SAFB2: variants seen among roughly 807,000 people sequenced by gnomAD.
SAFB2 encodes the protein scaffold attachment factor B2.
SAFB2 carries 32 observed loss-of-function variants against 100.6 expected under a neutral mutation model. The observed-to-expected ratio is 0.32, with a 90% CI of 0.24 to 0.43. SAFB2 has a LOEUF of 0.43. Among genes scored for constraint, SAFB2 ranks in the 20% least tolerant of loss-of-function variants. The probability of loss-of-function intolerance (pLI) is 1.00; values close to 1 mark genes in which losing one functional copy is unlikely to be tolerated. For synonymous variants in SAFB2, 500 were observed against 439.4 expected (o/e 1.14, Z -1.72); for missense variants, 1,185 against 1,163.4 (o/e 1.02, Z -0.27).
intron 4 of SAFB2, among the ~76,000 whole-genome samples, chr19:5,615,216 G>A (rs746497933): frequency 1.3e-5 from 2 of 152,172 alleles, no homozygotes; most frequent in Non-Finnish European, 2.9e-5. Flanking sequence ...TCAGCTGGGC[G>A]TGGTGGCGCA....
chr19:5,592,191 G>C (rs763656409), intron 16 of SAFB2, among the ~76,000 whole-genome samples: 1 of 152,072 alleles, frequency 6.6e-6, no homozygotes, highest in Non-Finnish European at 1.5e-5. Flanking sequence ...TGTTCTCCCC[G>C]CTCTGACATT....
At chr19:5,616,609 T>TCCTGTCAC in intron 2 of SAFB2, 123 bp from the exon 3 acceptor site, 1 of 655,374 alleles carries the variant, frequency 1.5e-6, no homozygotes, top group Non-Finnish European at 2.7e-6. Flanking sequence ...GTCTCCCCTC[T>TCCTGTCAC]CCTGTCACAC....
rs765105269 is a variant in SAFB2 at position 5,594,128 on chromosome 19, C to T, written c.1970G>A (p.Arg657Gln). 3.7e-6 allele frequency: 6 copies of T among 1,602,494 alleles called. No homozygotes were observed. The highest frequency in any genetic ancestry group is 5.1e-6 in the Non-Finnish European group (6 of 1,178,876). ...REQRLEAFHE[R>Q]KEKARLQRER... ...CCGCTGTAGCCGGGCCTTCTCCTTC[C>T]GCTCATGGAAGGCCTCGAGGCGTTG... The change falls in exon 15 of 21, where the codon CGG (arginine) becomes CAG (glutamine). Residue 657 changes from arginine (R) to glutamine (Q), a missense_variant. Coordinates refer to ENST00000252542, the MANE Select transcript of SAFB2 (RefSeq NM_014649.3).
Position 5,587,807 on chromosome 19 carries a change from G to A in SAFB2, c.2639-40C>T, listed in dbSNP as rs371346941. ...GGGTCTGCAAACACTCCGTTCCTGG[G>A]GAAGCCCCTGGACACATGTGGGGGC... On this transcript the variant is annotated intron_variant, in intron 19 of 20. Coordinates refer to ENST00000252542, the MANE Select transcript of SAFB2 (RefSeq NM_014649.3). This position sits in a 1 kb window ranked among gnomAD's most constrained non-coding sequence, Gnocchi z 4.9. 1.9e-6 allele frequency: 3 copies of A among 1,562,274 alleles called. No homozygotes were observed. The African/African-American group carries it at 4.1e-5, about 21-fold the overall frequency.
Position 5,598,844 on chromosome 19 carries a change from C to T in SAFB2, c.1731G>A (p.Ser577=), listed in dbSNP as rs552698976. ...GMERTVVMDK[S]KGEPVISVKT... is the part of the protein sequence containing the mutation. ...TCACGCTAATGACGGGCTCTCCTTT[C>T]GATTTATCCATCACGACCGTCCGCT... is the stretch of plus-strand genomic sequence containing the variant. Residue 577 remains serine (S), a synonymous_variant, in exon 13 of 21, where the codon TCG becomes TCA. Transcript: ENST00000252542. 2.6e-5 allele frequency: 42 copies of T among 1,614,154 alleles called. No homozygotes were observed. Among genetic ancestry groups the T allele is most frequent in the East Asian group, 2.0e-4 (9 of 44,878 alleles).
rs142109951 is a variant in SAFB2, at chr19:5,592,809, G to A, written c.2286C>T (p.Asp762=). 737 of 1,614,190 alleles carry A rather than the reference G, an allele frequency of 4.6e-4. 1 individual carries two copies. The African/African-American group carries it at 9.2e-3, about 20-fold the overall frequency. Residue 762 remains aspartate, a synonymous_variant, in exon 16 of 21, where the codon GAC becomes GAT. Coordinates refer to ENST00000252542, the MANE Select transcript of SAFB2 (RefSeq NM_014649.3). The part of the protein sequence containing the change: ...DRYRADFPRP[D]HRFHDFDHRD... ...GATGATCGAAGTCGTGAAAGCGGTG[G>A]TCTGGCCGGGGAAAGTCTGCACGAT...
At chr19:5,591,834 G>C (rs770690539) in intron 16 of SAFB2, 41 bp from the exon 17 acceptor site, 1 of 1,607,748 alleles carries the variant, frequency 6.2e-7, no homozygotes, top group South Asian at 1.1e-5. Flanking sequence ...CACCAGGCAC[G>C]ACTACACATT....
At position 5,587,531 on chromosome 19, in the gene SAFB2, C is replaced by T. The variant is rs1388650050; in HGVS notation, c.2706-132G>A. ...TTCCAGGTGAGAAAAATCATCATCG[C>T]ACATTGTATTCCAGGTAACTCAAGA... is the stretch of plus-strand genomic sequence containing the variant. On this transcript the variant is annotated intron_variant, in intron 20 of 20. Coordinates refer to ENST00000252542, the MANE Select transcript of SAFB2 (RefSeq NM_014649.3). This position sits in a 1 kb window ranked among gnomAD's most constrained non-coding sequence, Gnocchi z 4.9. 6 of 1,473,522 alleles carry T rather than the reference C, an allele frequency of 4.1e-6. No homozygotes were observed. The allele number at this position is 1,473,522 out of a possible 1,614,324, so 91.3% of individuals were successfully genotyped here. A position where few individuals can be genotyped will look rare whatever the true frequency, so the allele number is the denominator to read the frequency against.
chr19:5,608,419 G>A (rs1025297027), intron 9 of SAFB2, among the ~76,000 whole-genome samples: 1 of 152,160 alleles, frequency 6.6e-6, no homozygotes. Context: ...ATCAGTGTCC[G>A]AGTGAAGTCA....
chr19:5,592,875 G>A lies in SAFB2; in HGVS notation c.2220C>T (p.Ala740=), dbSNP rs2052443511. The A allele has an allele frequency of 6.2e-7, 1 of 1,614,066 alleles. No individual in the cohort carries two copies. Among genetic ancestry groups the A allele is most frequent in the Non-Finnish European group, 8.5e-7 (1 of 1,179,978 alleles). ...RPYDLDRRDD[A]YWPEGKRVAM... The stretch of plus-strand genomic sequence containing the variant: ...CCACACGCTTTCCTTCTGGCCAATA[G>A]GCATCATCTCGTCTGTTGGTTTTTA... Residue 740 remains alanine, a synonymous_variant, in exon 16 of 21, where the codon GCC becomes GCT. Transcript: ENST00000252542.
Position 5,595,399 on chromosome 19 carries a change from C to T in SAFB2, c.1881G>A (p.Arg627=). The change falls in exon 14 of 21, where the codon AGG becomes AGA. Residue 627 remains arginine (R), a synonymous_variant. Transcript: ENST00000252542. ...IKEQRERERQ[R]QREREIRETE... ...TTTCGCGGATCTCCCGTTCCCGCTG[C>T]CTCTGGCGCTCTCTCTCCCTTTGTT... The T allele has an allele frequency of 6.2e-7, 1 of 1,613,152 alleles. No individual in the cohort carries two copies.
In SAFB2 at chr19:5,610,629, T is replaced by C. The variant is rs746509666; in HGVS notation, c.1195+10A>G. 1 of 1,560,858 alleles carries C rather than the reference T, an allele frequency of 6.4e-7. No homozygotes were observed. The highest frequency in any genetic ancestry group is 8.8e-7 in the Non-Finnish European group (1 of 1,138,374). On this transcript the variant is annotated intron_variant, in intron 8 of 20. Coordinates refer to ENST00000252542, the MANE Select transcript of SAFB2 (RefSeq NM_014649.3). ...TACCTGGCTCCCTACCACGTTAAAT[T>C]AAATCATACCTTTTTCATCTTTAAT...
chr19:5,610,269 C>CA, intron 8 of SAFB2, 174 bp from the exon 9 acceptor site: 1 of 610,480 alleles, frequency 1.6e-6, no homozygotes, highest in Admixed American at 2.8e-5. Context: ...ATCTGGACAG[C>CA]AAAAACTGAG....
chr19:5,593,845 C>A, intron 15 of SAFB2, 46 bp downstream of exon 15: 1 of 1,410,600 alleles, frequency 7.1e-7, no homozygotes, highest in Non-Finnish European at 9.2e-7. Context: ...GTGAACACCG[C>A]TGCCACGCTG....
intron 5 of SAFB2, 74 bp from the exon 6 acceptor site, chr19:5,612,641 G>T: frequency 8.6e-7 from 1 of 1,167,742 alleles, no homozygotes; most frequent in Non-Finnish European, 1.3e-6. Context: ...AGTAAATATG[G>T]CTTTCAATCA....
At chr19:5,613,350 CA>C in intron 5 of SAFB2, 114 bp downstream of exon 5, 1 of 937,728 alleles carries the variant, frequency 1.1e-6, no homozygotes, top group Non-Finnish European at 1.6e-6. Context: ...CTCTTAACCC[CA>C]GCATCCAGCA....
Position 5,587,654 on chromosome 19 carries a change from T to C in SAFB2, c.2705+47A>G. The stretch of plus-strand genomic sequence containing the variant: ...AAACATGCAAAAAAGGGAGAGGAAG[T>C]GAGGAGCAGGAGTGAACCACCGTCC... On this transcript the variant is annotated intron_variant, in intron 20 of 20. Transcript: ENST00000252542. This position sits in a 1 kb window ranked among gnomAD's most constrained non-coding sequence, Gnocchi z 4.9. 4 of 1,505,410 alleles carry C rather than the reference T, an allele frequency of 2.7e-6. No individual in the cohort carries two copies. Among genetic ancestry groups the C allele is most frequent in the Admixed American group, 2.4e-5 (1 of 42,188 alleles). The allele number at this position is 1,505,410 out of a possible 1,614,324, so 93.3% of individuals were successfully genotyped here.
At chr19:5,619,016 G>GT (rs1475289727) in intron 2 of SAFB2, among the ~76,000 whole-genome samples, 6 of 152,206 alleles carry the variant, frequency 3.9e-5, no homozygotes, top group Non-Finnish European at 5.9e-5. Context: ...GGCTACTTCA[G>GT]TTTTTGCAAG....
Position 5,611,229 on chromosome 19 carries a change from C to T in SAFB2, c.1036G>A (p.Ala346Thr), listed in dbSNP as rs1205494397. 4.7e-6 allele frequency: 2 copies of T among 423,542 alleles called. No individual in the cohort carries two copies. Among genetic ancestry groups the T allele is most frequent in the East Asian group, 7.6e-5 (2 of 26,460 alleles). 26.2% of individuals were successfully genotyped at this position (423,542 alleles called of 1,614,324 possible). ...CTCCCGTCTTCTTTGCTATCTCTGGCTTCTGGGCTTGGGGCTTCCGTGGGT... is the reference window on the plus strand; with the variant it reads ...CTCCCGTCTTCTTTGCTATCTCTGGTTTCTGGGCTTGGGGCTTCCGTGGGT... ...EAPTEAPSPE[A>T]RDSKEDGRKF... The change falls in exon 7 of 21, where the codon GCC (alanine) becomes ACC (threonine). Residue 346 changes from alanine to threonine, a missense_variant. Transcript: ENST00000252542.
Sources: allele counts gnomAD v4.1 joint callset (sites outside exome capture counted in the v4.1 genomes callset), GRCh38; gene constraint gnomAD v4.1.1; non-coding constraint Gnocchi (gnomAD v3.1); transcripts MANE v1.5; gene names NCBI Gene and HGNC (gene_info 2026-07-23, HGNC 2026-07-21).